The following MDFIC variants were observed in gnomAD, a reference collection of about 807,000 sequenced individuals.
MDFIC encodes the protein myoD family inhibitor domain-containing protein.
In MDFIC, 17 loss-of-function variants were observed where a neutral mutation model predicts 23.2. The observed-to-expected ratio is 0.73, with a 90% CI of 0.50 to 1.10. The LOEUF is 1.10. Among genes scored for constraint, MDFIC ranks in the 50% least tolerant of loss-of-function variants. The pLI, the probability that MDFIC is intolerant of heterozygous loss-of-function variation, is 0.00. For missense variants in MDFIC, 356 were observed against 316.6 expected, an observed-to-expected ratio of 1.12 and a Z score of -0.95; for synonymous variants, 120 against 115.2, an observed-to-expected ratio of 1.04 and a Z score of -0.27.
intron 3 of MDFIC, among the ~76,000 whole-genome samples, chr7:114,949,078 GTTA>G (rs931778028): frequency 6.6e-6 from 1 of 152,014 alleles, no homozygotes. Context: ...AATGTGTGTT[GTTA>G]TTATTGTCTT....
chr7:115,003,243 C>T (rs2116090771), intron 4 of MDFIC, among the ~76,000 whole-genome samples: 1 of 152,216 alleles, frequency 6.6e-6, no homozygotes, highest in Non-Finnish European at 1.5e-5. Context: ...TACATTCTTC[C>T]TGGGTGGTTG....
At chr7:114,954,922 T>C (rs973437851) in intron 3 of MDFIC, among the ~76,000 whole-genome samples, 12 of 152,236 alleles carry the variant, frequency 7.9e-5, no homozygotes, top group Middle Eastern at 3.4e-3. Flanking sequence ...CCCTCACCAC[T>C]TTCTGCCTCT....
At chr7:114,979,388 T>C (rs1585111423) in intron 3 of MDFIC, 118 bp from the exon 4 acceptor site, 1 of 1,001,086 alleles carries the variant, frequency 1.0e-6, no homozygotes, top group African/African-American at 1.6e-5. Flanking sequence ...TTGTTGCCTC[T>C]TCAGTGTTAG....
At chr7:114,941,111 T>C (rs892255400) in intron 2 of MDFIC, among the ~76,000 whole-genome samples, 1 of 152,168 alleles carries the variant, frequency 6.6e-6, no homozygotes, top group Non-Finnish European at 1.5e-5. Flanking sequence ...ATATGTTTTT[T>C]GTTTGTTTGT....
intron 4 of MDFIC, among the ~76,000 whole-genome samples, chr7:114,995,220 A>T (rs1477441252): frequency 6.6e-6 from 1 of 152,078 alleles, no homozygotes; most frequent in Non-Finnish European, 1.5e-5. Flanking sequence ...GGACTTCTCT[A>T]TGCTGGTTAT....
At chr7:114,944,652 T>C (rs1042791839) in intron 3 of MDFIC, among the ~76,000 whole-genome samples, 1 of 152,230 alleles carries the variant, frequency 6.6e-6, no homozygotes, top group Non-Finnish European at 1.5e-5. Context: ...ACAGAGTCAT[T>C]GGCCATCTCT....
chr7:114,932,292 A>G (rs1792324421), intron 2 of MDFIC, among the ~76,000 whole-genome samples: 1 of 152,180 alleles, frequency 6.6e-6, no homozygotes, highest in African/African-American at 2.4e-5. Context: ...GAGGGTAAAG[A>G]GACTGAGGCA....
Position 115,014,314 on chromosome 7 carries a change from T to C in MDFIC, c.494-1374T>C. On this transcript the variant is annotated intron_variant, in intron 4 of 4. Coordinates refer to ENST00000393486, the MANE Select transcript of MDFIC (RefSeq NM_001166345.3). ...TTTGTTTTTCTTTACCTGAAGCATT[T>C]GTAGCCAAGGAAGTTATAGTAGAGG... 3 of 1,229,788 alleles carry C rather than the reference T, an allele frequency of 2.4e-6. No individual in the cohort carries two copies. The South Asian group carries it at 4.3e-5, about 18-fold the overall frequency. The allele number at this position is 1,229,788 out of a possible 1,614,324, so 76.2% of individuals were successfully genotyped here. A position where few individuals can be genotyped will look rare whatever the true frequency, so the allele number is the denominator to read the frequency against.
At chr7:114,933,431 G>A (rs887839212) in intron 2 of MDFIC, among the ~76,000 whole-genome samples, 1 of 151,964 alleles carries the variant, frequency 6.6e-6, no homozygotes, top group African/African-American at 2.4e-5. Context: ...GCTAATTTTT[G>A]TATTTTTAGT....
chr7:114,972,215 G>T (rs990134623), intron 3 of MDFIC, among the ~76,000 whole-genome samples: 7 of 152,004 alleles, frequency 4.6e-5, no homozygotes, highest in Admixed American at 2.0e-4. Flanking sequence ...TTCAAACCCC[G>T]GTTTGTCTTG....
intron 3 of MDFIC, among the ~76,000 whole-genome samples, chr7:114,975,955 A>G (rs1793300418): frequency 6.6e-6 from 1 of 152,144 alleles, no homozygotes; most frequent in South Asian, 2.1e-4. Context: ...AGTGAAACAA[A>G]AATAATGTAC....
chr7:115,001,266 G>T (rs1791461777), intron 4 of MDFIC, among the ~76,000 whole-genome samples: 1 of 152,122 alleles, frequency 6.6e-6, no homozygotes, highest in Non-Finnish European at 1.5e-5. Context: ...TGAAAGAAAA[G>T]AGCAAAATGG....
chr7:114,940,408 C>T (rs572600495), intron 2 of MDFIC, among the ~76,000 whole-genome samples: 2 of 152,338 alleles, frequency 1.3e-5, no homozygotes, highest in South Asian at 2.1e-4. Context: ...AATGTTAACA[C>T]GGTTGACTAA....
At chr7:114,927,154 C>T (rs753646555) in intron 2 of MDFIC, among the ~76,000 whole-genome samples, 3 of 152,122 alleles carry the variant, frequency 2.0e-5, no homozygotes, top group South Asian at 2.1e-4. Context: ...AGGCAACTGA[C>T]GTTTTTGGTT....
intron 2 of MDFIC, 138 bp downstream of exon 2, chr7:114,923,265 G>A: frequency 7.8e-7 from 1 of 1,285,164 alleles, no homozygotes; most frequent in Non-Finnish European, 1.1e-6. Flanking sequence ...TGCACAGTTC[G>A]CGTTACTCAG....
intron 2 of MDFIC, among the ~76,000 whole-genome samples, chr7:114,938,310 A>C (rs1217904742): frequency 6.6e-6 from 1 of 152,194 alleles, no homozygotes; most frequent in Admixed American, 6.5e-5. Flanking sequence ...AAATACCTCT[A>C]TATTAATTAG....
intron 2 of MDFIC, among the ~76,000 whole-genome samples, chr7:114,927,555 A>C (rs1792217927): frequency 6.6e-6 from 1 of 152,134 alleles, no homozygotes; most frequent in Non-Finnish European, 1.5e-5. Context: ...ATTTTTAACA[A>C]TATAAAAGAA....
chr7:114,952,985 A>G (rs1296297772), intron 3 of MDFIC, among the ~76,000 whole-genome samples: 1 of 152,194 alleles, frequency 6.6e-6, no homozygotes, highest in East Asian at 1.9e-4. Flanking sequence ...ATTAATAATT[A>G]CCATTTTCTT....
chr7:114,981,600 C>T (rs1793418175), intron 4 of MDFIC, among the ~76,000 whole-genome samples: 1 of 152,128 alleles, frequency 6.6e-6, no homozygotes, highest in Non-Finnish European at 1.5e-5. Flanking sequence ...CTGCTTTTAT[C>T]ACAAAATATG....
Sources: allele counts gnomAD v4.1 joint callset (sites outside exome capture counted in the v4.1 genomes callset), GRCh38; gene constraint gnomAD v4.1.1; transcripts MANE v1.5; gene names NCBI Gene and HGNC (gene_info 2026-07-23, HGNC 2026-07-21).